The following CRYGN variants were observed in gnomAD, a reference collection of about 807,000 sequenced individuals.
The protein encoded by CRYGN is crystallin gamma N.
A neutral mutation model predicts 19.2 loss-of-function variants in CRYGN; 17 were observed. The observed-to-expected ratio is 0.89, with a 90% confidence interval of 0.61 to 1.33. CRYGN has a LOEUF of 1.33. Ranked by LOEUF, CRYGN falls within the 40% of genes most tolerant of loss-of-function variation. CRYGN has a pLI of 0.00. For missense variants in CRYGN, 239 were observed against 239.6 expected, an observed-to-expected ratio of 1.00 and a Z score of 0.02; for synonymous variants, 84 against 85.8, an observed-to-expected ratio of 0.98 and a Z score of 0.12.
chr7:151,439,800 TGTC>T, intron 1 of CRYGN, 94 bp downstream of exon 1: 1 of 1,277,532 alleles, frequency 7.8e-7, no homozygotes, highest in Non-Finnish European at 1.1e-6. Context: ...CCCTTGGATT[TGTC>T]ACCATCAACA....
rs867645076 is a variant in CRYGN, at chr7:151,430,389, G to A, written c.417-209C>T. Among the ~76,000 whole-genome samples, 4 of 151,980 alleles carry A rather than the reference G, an allele frequency of 2.6e-5. No individual in the cohort carries two copies. Among genetic ancestry groups the A allele is most frequent in the Admixed American group, 6.6e-5 (1 of 15,258 alleles). ...CCCACAGCAGTCATGGGGCCCCTCCGTCTTTGCCACCCAGCTCTTGGTGGG... is the reference window on the plus strand; with the variant it reads ...CCCACAGCAGTCATGGGGCCCCTCCATCTTTGCCACCCAGCTCTTGGTGGG... On this transcript the variant is annotated intron_variant, in intron 3 of 3. Transcript: ENST00000337323. This position sits in a 1 kb window ranked among gnomAD's most constrained non-coding sequence, Gnocchi z 5.2.
In CRYGN at chr7:151,435,088, G is replaced by A. The variant is rs968576466; in HGVS notation, c.416+1092C>T. On this transcript the variant is annotated intron_variant, in intron 3 of 3. Transcript: ENST00000337323. The surrounding 1 kb of genome is among the most constrained non-coding windows in gnomAD (Gnocchi z 4.2). ...TACCACCTGTGCCCAGCTCTGCCTC[G>A]GCCCAGTCTCTGTCTCCCTGCAGTC... is the stretch of plus-strand genomic sequence containing the variant. 2.0e-5 allele frequency among the ~76,000 whole-genome samples: 3 copies of A among 152,164 alleles called. No homozygotes were observed. The highest frequency in any genetic ancestry group is 4.4e-5 in the Non-Finnish European group (3 of 68,012).
At position 151,435,261 on chromosome 7, in the gene CRYGN, G is replaced by A. The variant is rs1275031423; in HGVS notation, c.416+919C>T. 6.6e-6 allele frequency among the ~76,000 whole-genome samples: 1 copy of A among 152,222 alleles called. No homozygotes were observed. The highest frequency in any genetic ancestry group is 1.5e-5 in the Non-Finnish European group (1 of 68,036). On this transcript the variant is annotated intron_variant, in intron 3 of 3. Coordinates refer to ENST00000337323, the MANE Select transcript of CRYGN (RefSeq NM_144727.3). This position sits in a 1 kb window ranked among gnomAD's most constrained non-coding sequence, Gnocchi z 4.2. ...TGAGGGGCTCTTGGCCTGAGGGGAG[G>A]GGACTGAGGCCTGGGAAAGCGGCTA...
At chr7:151,438,608 A>G (rs751756747) in intron 1 of CRYGN, among the ~76,000 whole-genome samples, 1 of 152,234 alleles carries the variant, frequency 6.6e-6, no homozygotes, top group South Asian at 2.1e-4. Flanking sequence ...TTAAAACATA[A>G]AGCCGATAAT....
intron 1 of CRYGN, chr7:151,438,936 T>C (rs1175856886): frequency 1.3e-5 from 2 of 152,220 alleles, no homozygotes; most frequent in Admixed American, 6.5e-5. Context: ...AGGTTGTCCT[T>C]GTCCCGAAAC....
chr7:151,439,096 G>A (rs1018265655), intron 1 of CRYGN: 1 of 152,216 alleles, frequency 6.6e-6, no homozygotes, highest in African/African-American at 2.4e-5. Context: ...CACTATGGTC[G>A]CTTGTGCCTC....
Position 151,431,150 on chromosome 7 carries a change from T to G in CRYGN, c.417-970A>C, listed in dbSNP as rs547988234. On this transcript the variant is annotated intron_variant, in intron 3 of 3. Transcript: ENST00000337323. The surrounding 1 kb of genome is among the most constrained non-coding windows in gnomAD (Gnocchi z 4.8). ...CACAGGCAGGCTCCATTCAGGACTCTGCTGGAGGGCTGCCGGCAGCAGGGA... is the reference window on the plus strand; with the variant it reads ...CACAGGCAGGCTCCATTCAGGACTCGGCTGGAGGGCTGCCGGCAGCAGGGA... 3.9e-4 allele frequency among the ~76,000 whole-genome samples: 60 copies of G among 152,298 alleles called. No individual in the cohort carries two copies. The highest frequency in any genetic ancestry group is 1.7e-3 in the South Asian group (8 of 4,830).
chr7:151,431,480 T>C lies in CRYGN; in HGVS notation c.417-1300A>G, dbSNP rs1801461575. 6.6e-6 allele frequency among the ~76,000 whole-genome samples: 1 copy of C among 152,142 alleles called. No individual in the cohort carries two copies. The highest frequency in any genetic ancestry group is 2.4e-5 in the African/African-American group (1 of 41,428). The stretch of plus-strand genomic sequence containing the variant: ...AATTCTACAGGCGAGCGCTTGGTGC[T>C]GCACCAGCTGAAGACGCGAGCCGCC... On this transcript the variant is annotated intron_variant, in intron 3 of 3. Transcript: ENST00000337323. The surrounding 1 kb of genome is among the most constrained non-coding windows in gnomAD (Gnocchi z 4.8).
Position 151,436,332 on chromosome 7 carries a change from G to T in CRYGN, c.271-7C>A. 1 of 1,532,720 alleles carries T rather than the reference G, an allele frequency of 6.5e-7. No homozygotes were observed. Among genetic ancestry groups the T allele is most frequent in the South Asian group, 1.3e-5 (1 of 79,234 alleles). The allele number at this position is 1,532,720 out of a possible 1,614,324, so 94.9% of individuals were successfully genotyped here. A position where few individuals can be genotyped will look rare whatever the true frequency, so the allele number is the denominator to read the frequency against. ...GGCGGAAATGTTCTCCGTGCTCCAA[G>T]ACCAAGCAAAAAAGAAGGAAAGAAG... On this transcript the variant is annotated splice_polypyrimidine_tract_variant and splice_region_variant and intron_variant, in intron 2 of 3. Transcript: ENST00000337323. The surrounding 1 kb of genome is among the most constrained non-coding windows in gnomAD (Gnocchi z 5.1).
chr7:151,439,351 G>C (rs901242866), intron 1 of CRYGN, among the ~76,000 whole-genome samples: 36 of 152,208 alleles, frequency 2.4e-4, no homozygotes, highest in African/African-American at 8.4e-4. Flanking sequence ...GGAGTGGCTA[G>C]GCTAGGGGCA....
At chr7:151,437,866 A>G in intron 2 of CRYGN, 130 bp downstream of exon 2, 3 of 1,540,714 alleles carry the variant, frequency 1.9e-6, no homozygotes, top group Non-Finnish European at 2.6e-6. Context: ...CTCTGGGTAT[A>G]GCTCCTTCAG....
At chr7:151,434,634 T>A (rs1801554438) in intron 3 of CRYGN, among the ~76,000 whole-genome samples, 1 of 152,190 alleles carries the variant, frequency 6.6e-6, no homozygotes, top group Non-Finnish European at 1.5e-5. Flanking sequence ...CCGAGGATGC[T>A]CAAGTTCCTG....
chr7:151,438,536 G>A (rs752420077), intron 1 of CRYGN, among the ~76,000 whole-genome samples: 4 of 152,204 alleles, frequency 2.6e-5, no homozygotes, highest in Non-Finnish European at 5.9e-5. Context: ...CTTTGTCTAG[G>A]TGCCCATTTC....
In CRYGN at chr7:151,435,575, G is replaced by C. The variant is rs1388608061; in HGVS notation, c.416+605C>G. 6.6e-6 allele frequency among the ~76,000 whole-genome samples: 1 copy of C among 152,146 alleles called. No individual in the cohort carries two copies. The highest frequency in any genetic ancestry group is 1.5e-5 in the Non-Finnish European group (1 of 68,028). On this transcript the variant is annotated intron_variant, in intron 3 of 3. Transcript: ENST00000337323. This position sits in a 1 kb window ranked among gnomAD's most constrained non-coding sequence, Gnocchi z 4.2. ...AAGTGTGGGGCAGACAAACCCATCT[G>C]GGCCTGGGCAAAATTCCCCCAGCTA...
At chr7:151,434,861 A>T (rs1273442216) in intron 3 of CRYGN, among the ~76,000 whole-genome samples, 1 of 152,250 alleles carries the variant, frequency 6.6e-6, no homozygotes, top group African/African-American at 2.4e-5. Context: ...TTAAAGTCAC[A>T]GTTTCCAAGA....
chr7:151,432,482 C>T (rs1266977191), intron 3 of CRYGN, among the ~76,000 whole-genome samples: 1 of 152,170 alleles, frequency 6.6e-6, no homozygotes, highest in Non-Finnish European at 1.5e-5. Flanking sequence ...TGTGTGGGGA[C>T]AGGCCCAGTA....
rs113942095 is a variant in CRYGN at position 151,436,296 on chromosome 7, G to C, written c.300C>G (p.Phe100Leu). 6.3e-7 allele frequency: 1 copy of C among 1,589,946 alleles called. No individual in the cohort carries two copies. The highest frequency in any genetic ancestry group is 2.3e-5 in the East Asian group (1 of 43,686). ...ACTGGCCCGTGAAGTTGCAACCCTC[G>C]AAGATTTCTAGGCGGAAATGTTCTC... ...MHGEHFRLEIFEGCNFTGQCL... is the reference protein window; with the variant it reads ...MHGEHFRLEILEGCNFTGQCL... The change falls in exon 3 of 4, where the codon TTC becomes TTG. Residue 100 changes from phenylalanine (F) to leucine (L), a missense_variant. Physicochemically the swap from Phe to Leu is conservative, Grantham distance 22. Coordinates refer to ENST00000337323, the MANE Select transcript of CRYGN (RefSeq NM_144727.3). The surrounding 1 kb of genome is among the most constrained non-coding windows in gnomAD (Gnocchi z 5.1).
In CRYGN at chr7:151,436,071, G is replaced by C; in HGVS notation, c.416+109C>G. ...CAGGGACACGCTGCCCACTGCTGGA[G>C]GTCTCATTCCCACCCCACCCACCAC... On this transcript the variant is annotated intron_variant, in intron 3 of 3. Transcript: ENST00000337323. The surrounding 1 kb of genome is among the most constrained non-coding windows in gnomAD (Gnocchi z 5.1). The C allele has an allele frequency of 1.2e-6, 1 of 816,330 alleles. No homozygotes were observed. The highest frequency in any genetic ancestry group is 1.7e-6 in the Non-Finnish European group (1 of 592,550). 50.6% of individuals were successfully genotyped at this position (816,330 alleles called of 1,614,324 possible). A position where few individuals can be genotyped will look rare whatever the true frequency, so the allele number is the denominator to read the frequency against.
Position 151,429,446 on chromosome 7 carries a change from G to T in CRYGN, c.*602C>A. The T allele has an allele frequency of 6.1e-6, 1 of 163,158 alleles. No individual in the cohort carries two copies. Among genetic ancestry groups the T allele is most frequent in the Non-Finnish European group, 1.4e-5 (1 of 73,532 alleles). The allele number at this position is 163,158 out of a possible 1,614,324, so 10.1% of individuals were successfully genotyped here. On this transcript the variant is annotated 3_prime_UTR_variant, in exon 4 of 4. Transcript: ENST00000337323. ...ACTCATTTCACAGAACAGGGTCTGAGGCCTGGAGAGGCTTTGGGTTTGCGC... is the reference window on the plus strand; with the variant it reads ...ACTCATTTCACAGAACAGGGTCTGATGCCTGGAGAGGCTTTGGGTTTGCGC...
Sources: gnomAD v4.1 joint callset for allele counts (sites outside exome capture counted in the v4.1 genomes callset) on GRCh38, gnomAD v4.1.1 for gene constraint, Gnocchi (gnomAD v3.1) non-coding constraint, MANE v1.5 for transcripts, NCBI Gene and HGNC (gene_info 2026-07-23, HGNC 2026-07-21) for gene names.